Variants in PTCD1 observed in about 807,000 individuals in gnomAD.
PTCD1 encodes pentatricopeptide repeat-containing protein 1, mitochondrial.
Under a neutral mutation model 53.4 loss-of-function variants are expected in PTCD1, and 50 were observed. That is an observed-to-expected ratio of 0.94 (90% CI 0.75 to 1.19). The LOEUF is 1.19. Ranked by LOEUF, PTCD1 falls within the 50% of genes most tolerant of loss-of-function variation. The pLI, the probability that PTCD1 is intolerant of heterozygous loss-of-function variation, is 0.00. For synonymous variants in PTCD1, 413 were observed against 394.8 expected (o/e 1.05, Z -0.55); for missense variants, 918 against 904.8 (o/e 1.01, Z -0.19).
In PTCD1 at chr7:99,417,867, G is replaced by A; in HGVS notation, c.*2100C>T. The A allele has an allele frequency of 7.2e-7, 1 of 1,390,138 alleles. No individual in the cohort carries two copies. The highest frequency in any genetic ancestry group is 9.4e-7 in the Non-Finnish European group (1 of 1,067,856). The allele number at this position is 1,390,138 out of a possible 1,614,324, so 86.1% of individuals were successfully genotyped here. On this transcript the variant is annotated 3_prime_UTR_variant, in exon 8 of 8. Coordinates refer to ENST00000292478, the MANE Select transcript of PTCD1 (RefSeq NM_015545.4). ...CTCACTTAGGAAATGGTGGTGGGGA[G>A]CCCTAATCCCAAGGTGGTGGCAGGG...
rs112219883 is a variant in PTCD1, at chr7:99,425,105, C to A, written c.1427G>T (p.Ser476Ile). Residue 476 changes from serine (S) to isoleucine (I), a missense_variant, in exon 6 of 8, where the codon AGC becomes ATC. By Grantham distance (142) the Ser-to-Ile change is moderately radical. Transcript: ENST00000292478. ...ALIGGLEGFLSKMAEHRQQPD... is the reference protein window; with the variant it reads ...ALIGGLEGFLIKMAEHRQQPD... ...CTGCTGCCTGTGCTCTGCCATCTTGCTCAGGAAGCCCTCCAGGCCCCCTAT... is the reference window on the plus strand; with the variant it reads ...CTGCTGCCTGTGCTCTGCCATCTTGATCAGGAAGCCCTCCAGGCCCCCTAT... The A allele has an allele frequency of 6.2e-6, 10 of 1,614,042 alleles. No homozygotes were observed. Among genetic ancestry groups the A allele is most frequent in the Non-Finnish European group, 8.5e-6 (10 of 1,180,002 alleles).
chr7:99,417,772 G>A lies in PTCD1; in HGVS notation c.*2195C>T. 1 of 1,531,614 alleles carries A rather than the reference G, an allele frequency of 6.5e-7. No homozygotes were observed. Among genetic ancestry groups the A allele is most frequent in the East Asian group, 2.5e-5 (1 of 40,744 alleles). The allele number at this position is 1,531,614 out of a possible 1,614,324, so 94.9% of individuals were successfully genotyped here. A position where few individuals can be genotyped will look rare whatever the true frequency, so the allele number is the denominator to read the frequency against. On this transcript the variant is annotated 3_prime_UTR_variant, in exon 8 of 8. Coordinates refer to ENST00000292478, the MANE Select transcript of PTCD1 (RefSeq NM_015545.4). The stretch of plus-strand genomic sequence containing the variant: ...TTCAGGAATCCATGTGAGGCAGCGT[G>A]TGGCTGTGTGTTTGTTAGGTCTGGG...
Position 99,425,136 on chromosome 7 carries a change from C to G in PTCD1, c.1396G>C (p.Ala466Pro). ...AAGCCCTCCAGGCCCCCTATCAAGG[C>G]CAGCCGGTCAGCTGGGGTGGTCACC... ...GTVTTPADRL[A>P]LIGGLEGFLS... is the part of the protein sequence containing the mutation. Residue 466 changes from alanine to proline, a missense_variant, in exon 6 of 8, where the codon GCC becomes CCC. Transcript: ENST00000292478. 1 of 1,614,030 alleles carries G rather than the reference C, an allele frequency of 6.2e-7. No individual in the cohort carries two copies. The highest frequency in any genetic ancestry group is 8.5e-7 in the Non-Finnish European group (1 of 1,179,954).
chr7:99,417,722 T>C lies in PTCD1; in HGVS notation c.*2245A>G, dbSNP rs1795583709. ...TTGTCCCTGGATGTCCTGCTGGCTC[T>C]CCCTCGTGGGAGTGGGTCCCTGTAT... On this transcript the variant is annotated 3_prime_UTR_variant, in exon 8 of 8. Transcript: ENST00000292478. 6.5e-7 allele frequency: 1 copy of C among 1,538,850 alleles called. No individual in the cohort carries two copies. Among genetic ancestry groups the C allele is most frequent in the East Asian group, 2.4e-5 (1 of 41,078 alleles).
chr7:99,421,852 AC>A, intron 7 of PTCD1, among the ~76,000 whole-genome samples: 1 of 152,180 alleles, frequency 6.6e-6, no homozygotes, highest in Non-Finnish European at 1.5e-5. Flanking sequence ...GTAGAAACTA[AC>A]CCCGCACAAA....
At position 99,419,513 on chromosome 7, in the gene PTCD1, C is replaced by T; in HGVS notation, c.*454G>A. 11 of 1,569,834 alleles carry T rather than the reference C, an allele frequency of 7.0e-6. No homozygotes were observed. Among genetic ancestry groups the T allele is most frequent in the Middle Eastern group, 1.7e-4 (1 of 5,936 alleles). ...TGTCACGCCACCCCCTTCCTGGGAG[C>T]AGCGAGCAGTGCCCCAGGCCCGAGT... On this transcript the variant is annotated 3_prime_UTR_variant, in exon 8 of 8. Transcript: ENST00000292478.
At chr7:99,431,331 T>A (rs1796241647) in intron 3 of PTCD1, among the ~76,000 whole-genome samples, 1 of 151,934 alleles carries the variant, frequency 6.6e-6, no homozygotes, top group Non-Finnish European at 1.5e-5. Context: ...GGTTTCACCA[T>A]GTTGGCCAGG....
In PTCD1 at chr7:99,417,340, A is replaced by G; in HGVS notation, c.*2627T>C. 3.6e-6 allele frequency: 5 copies of G among 1,381,562 alleles called. No individual in the cohort carries two copies. The highest frequency in any genetic ancestry group is 5.1e-6 in the Non-Finnish European group (5 of 976,808). 85.6% of individuals were successfully genotyped at this position (1,381,562 alleles called of 1,614,324 possible). On this transcript the variant is annotated 3_prime_UTR_variant, in exon 8 of 8. Coordinates refer to ENST00000292478, the MANE Select transcript of PTCD1 (RefSeq NM_015545.4). ...AGTGCTGGGATTACAGGTGTGAGCC[A>G]CTGCACCCGGCCTGAATGCTTTTTT...
rs527692392 is a variant in PTCD1 at position 99,432,208 on chromosome 7, G to A, written c.594+1070C>T. Among the ~76,000 whole-genome samples, 8 of 152,308 alleles carry A rather than the reference G, an allele frequency of 5.3e-5. No individual in the cohort carries two copies. The East Asian group carries it at 1.5e-3, about 29-fold the overall frequency. On this transcript the variant is annotated intron_variant, in intron 3 of 7. Coordinates refer to ENST00000292478, the MANE Select transcript of PTCD1 (RefSeq NM_015545.4). Reference sequence around the variant, plus strand: ...CCATAAAGGGTCTGTGCTGAGGAGGGTTAGTGAAAGAGGAAGGCCTCTTTG... The same window carrying A: ...CCATAAAGGGTCTGTGCTGAGGAGGATTAGTGAAAGAGGAAGGCCTCTTTG...
chr7:99,425,618 T>A lies in PTCD1; in HGVS notation c.916-2A>T. 1.2e-6 allele frequency: 2 copies of A among 1,607,210 alleles called. No homozygotes were observed. Among genetic ancestry groups the A allele is most frequent in the Non-Finnish European group, 1.7e-6 (2 of 1,178,102 alleles). The stretch of plus-strand genomic sequence containing the variant: ...TAGACTCAGCATCAGCCGCCACACC[T>A]GCCACGGAAGAGACAAACGTCAGCT... On this transcript the variant is annotated splice_acceptor_variant, in intron 5 of 7. Transcript: ENST00000292478. LOFTEE classifies it high-confidence loss of function.
chr7:99,425,197 G>C lies in PTCD1; in HGVS notation c.1335C>G (p.Pro445=), dbSNP rs35500147. 6.2e-7 allele frequency: 1 copy of C among 1,612,786 alleles called. No homozygotes were observed. Among genetic ancestry groups the C allele is most frequent in the South Asian group, 1.1e-5 (1 of 91,056 alleles). ...AGACCACTGTAGGGGGAACGGCCCC[G>C]GGGGTCAGGAGGTTGACTTCCAGCT... The part of the protein sequence containing the change: ...PVELEVNLLT[P]GAVPPTVVSF... Residue 445 remains proline, a synonymous_variant, in exon 6 of 8, where the codon CCC becomes CCG. Coordinates refer to ENST00000292478, the MANE Select transcript of PTCD1 (RefSeq NM_015545.4).
rs1045620230 is a variant in PTCD1 at position 99,429,208 on chromosome 7, G to T, written c.814-4C>A. On this transcript the variant is annotated splice_polypyrimidine_tract_variant and splice_region_variant and intron_variant, in intron 4 of 7. Coordinates refer to ENST00000292478, the MANE Select transcript of PTCD1 (RefSeq NM_015545.4). ...CGTGCCCTTTGTGGATGATTTCCTGGGGGAGGGAACAAAGACGTCCCACTG... is the reference window on the plus strand; with the variant it reads ...CGTGCCCTTTGTGGATGATTTCCTGTGGGAGGGAACAAAGACGTCCCACTG... The T allele has an allele frequency of 3.1e-6, 5 of 1,613,968 alleles. No homozygotes were observed. Among genetic ancestry groups the T allele is most frequent in the Non-Finnish European group, 2.5e-6 (3 of 1,180,004 alleles).
Position 99,438,775 on chromosome 7 carries a change from T to C in PTCD1, c.-110A>G. On this transcript the variant is annotated 5_prime_UTR_variant, in exon 1 of 8. Coordinates refer to ENST00000292478, the MANE Select transcript of PTCD1 (RefSeq NM_015545.4). The stretch of plus-strand genomic sequence containing the variant: ...CCAGTCTCTTCCTCGGGTCCCCCTC[T>C]CCCCAAGCGCGCAGGCGCAATCCGC... The C allele has an allele frequency of 7.3e-7, 1 of 1,362,916 alleles. No individual in the cohort carries two copies. The highest frequency in any genetic ancestry group is 9.6e-7 in the Non-Finnish European group (1 of 1,038,000). 84.4% of individuals were successfully genotyped at this position (1,362,916 alleles called of 1,614,324 possible). A position where few individuals can be genotyped will look rare whatever the true frequency, so the allele number is the denominator to read the frequency against.
At chr7:99,436,348 G>A (rs1413483027) in intron 1 of PTCD1, among the ~76,000 whole-genome samples, 1 of 152,058 alleles carries the variant, frequency 6.6e-6, no homozygotes, top group Non-Finnish European at 1.5e-5. Context: ...GGTCAGGAGC[G>A]GTGGCTCACG....
rs931795151 is a variant in PTCD1, at chr7:99,417,657, C to T, written c.*2310G>A. 4 of 1,595,300 alleles carry T rather than the reference C, an allele frequency of 2.5e-6. No homozygotes were observed. In the South Asian group the frequency reaches 3.3e-5, roughly 13 times the overall value. On this transcript the variant is annotated 3_prime_UTR_variant, in exon 8 of 8. Coordinates refer to ENST00000292478, the MANE Select transcript of PTCD1 (RefSeq NM_015545.4). Reference sequence around the variant, plus strand: ...CTCAAAATTCTGCCTTAGTCGACTGCAAGGGATCTTATGTTATTTGGTTGG... The same window carrying T: ...CTCAAAATTCTGCCTTAGTCGACTGTAAGGGATCTTATGTTATTTGGTTGG...
chr7:99,438,723 G>C lies in PTCD1; in HGVS notation c.-58C>G. 3 of 1,301,410 alleles carry C rather than the reference G, an allele frequency of 2.3e-6. No individual in the cohort carries two copies. The highest frequency in any genetic ancestry group is 3.0e-6 in the Non-Finnish European group (3 of 999,960). 80.6% of individuals were successfully genotyped at this position (1,301,410 alleles called of 1,614,324 possible). On this transcript the variant is annotated 5_prime_UTR_variant, in exon 1 of 8. Coordinates refer to ENST00000292478, the MANE Select transcript of PTCD1 (RefSeq NM_015545.4). ...TGTCCGGCGCAGTGCACTCCGACGGGGAGCCCTGCCCGGTCCCCGCGGCGA... is the reference window on the plus strand; with the variant it reads ...TGTCCGGCGCAGTGCACTCCGACGGCGAGCCCTGCCCGGTCCCCGCGGCGA...
intron 5 of PTCD1, among the ~76,000 whole-genome samples, chr7:99,427,541 C>T (rs1355740340): frequency 6.6e-6 from 1 of 151,898 alleles, no homozygotes; most frequent in Non-Finnish European, 1.5e-5. Flanking sequence ...GCGCCTCTGC[C>T]CGGCCGCCCC....
Position 99,425,145 on chromosome 7 carries a change from C to T in PTCD1, c.1387G>A (p.Asp463Asn). 6.2e-7 allele frequency: 1 copy of T among 1,614,026 alleles called. No homozygotes were observed. The highest frequency in any genetic ancestry group is 2.2e-5 in the East Asian group (1 of 44,880). Residue 463 changes from aspartate (D) to asparagine (N), a missense_variant, in exon 6 of 8, where the codon GAC becomes AAC. Transcript: ENST00000292478. ...VSFGTVTTPADRLALIGGLEG... is the reference protein window; with the variant it reads ...VSFGTVTTPANRLALIGGLEG... Reference sequence around the variant, plus strand: ...AGGCCCCCTATCAAGGCCAGCCGGTCAGCTGGGGTGGTCACCGTTCCAAAG... The same window carrying T: ...AGGCCCCCTATCAAGGCCAGCCGGTTAGCTGGGGTGGTCACCGTTCCAAAG...
In PTCD1 at chr7:99,419,531, G is replaced by A. The variant is rs1283432470; in HGVS notation, c.*436C>T. The A allele has an allele frequency of 6.8e-6, 10 of 1,473,444 alleles. No individual in the cohort carries two copies. The highest frequency in any genetic ancestry group is 8.5e-6 in the Non-Finnish European group (9 of 1,064,590). The allele number at this position is 1,473,444 out of a possible 1,614,324, so 91.3% of individuals were successfully genotyped here. A position where few individuals can be genotyped will look rare whatever the true frequency, so the allele number is the denominator to read the frequency against. Reference sequence around the variant, plus strand: ...CTGGGAGCAGCGAGCAGTGCCCCAGGCCCGAGTTGGAGCACGGTCTCTATG... The same window carrying A: ...CTGGGAGCAGCGAGCAGTGCCCCAGACCCGAGTTGGAGCACGGTCTCTATG... On this transcript the variant is annotated 3_prime_UTR_variant, in exon 8 of 8. Transcript: ENST00000292478.
Sources: gnomAD v4.1 joint callset for allele counts (sites outside exome capture counted in the v4.1 genomes callset) on GRCh38, gnomAD v4.1.1 for gene constraint, MANE v1.5 for transcripts, NCBI Gene and HGNC (gene_info 2026-07-23, HGNC 2026-07-21) for gene names.